HGF: variants seen among roughly 807,000 people sequenced by gnomAD.
HGF encodes hepatocyte growth factor, also known as fibroblast-derived tumor cytotoxic factor.
In HGF, 39 loss-of-function variants were observed where a neutral mutation model predicts 111.6. The observed-to-expected ratio is 0.35, with a 90% confidence interval of 0.27 to 0.46. The LOEUF is 0.46. HGF is among the 20% of genes least tolerant of loss of function. The pLI is 1.00. For missense variants in HGF, 735 were observed against 910.5 expected, an observed-to-expected ratio of 0.81 and a Z score of 2.48; for synonymous variants, 285 against 294.8, an observed-to-expected ratio of 0.97 and a Z score of 0.34.
intron 5 of HGF, chr7:81,751,822 GGTAT>G (rs1283744671): frequency 9.1e-6 from 11 of 1,205,656 alleles, no homozygotes; most frequent in Non-Finnish European, 1.1e-5. Flanking sequence ...TAGATTTTGA[GGTAT>G]GTGAGCTCAA....
In HGF at chr7:81,702,114, T is replaced by C. The variant is rs5745768; in HGVS notation, c.*467A>G. 0.018 allele frequency: 3,752 copies of C among 212,150 alleles called. 142 individuals carry two copies. The highest frequency in any genetic ancestry group is 0.078 in the African/African-American group (3,433 of 43,768). 13.1% of individuals were successfully genotyped at this position (212,150 alleles called of 1,614,324 possible). A position where few individuals can be genotyped will look rare whatever the true frequency, so the allele number is the denominator to read the frequency against. ...ATGGTGAAGAGAAATGAATGAACTATAACATATAGCATATGAAATGTAATA... is the reference window on the plus strand; with the variant it reads ...ATGGTGAAGAGAAATGAATGAACTACAACATATAGCATATGAAATGTAATA... On this transcript the variant is annotated 3_prime_UTR_variant, in exon 18 of 18. Coordinates refer to ENST00000222390, the MANE Select transcript of HGF (RefSeq NM_000601.6).
At chr7:81,731,252 C>T (rs1484623016) in intron 7 of HGF, among the ~76,000 whole-genome samples, 1 of 152,122 alleles carries the variant, frequency 6.6e-6, no homozygotes. Context: ...TCAGTAAATT[C>T]CTTTTAAATA....
intron 11 of HGF, among the ~76,000 whole-genome samples, chr7:81,715,058 T>G (rs1453929507): frequency 6.6e-6 from 1 of 152,112 alleles, no homozygotes; most frequent in African/African-American, 2.4e-5. Flanking sequence ...TTGTAAATTA[T>G]TAGAGTCCTG....
rs1450887024 is a variant in HGF, at chr7:81,728,009, A to G, written c.1040+1596T>C. Among the ~76,000 whole-genome samples the G allele has an allele frequency of 2.6e-5, 4 of 152,192 alleles. No individual in the cohort carries two copies. In the East Asian group the frequency reaches 7.7e-4, roughly 29 times the overall value. On this transcript the variant is annotated intron_variant, in intron 8 of 17. Transcript: ENST00000222390. The stretch of plus-strand genomic sequence containing the variant: ...TCATCACAGGCAGTGTTGTTCAGTT[A>G]CAGTGTTCCAAAGATTGCCATTTTT...
At chr7:81,768,640 A>G (rs1338982546) in intron 1 of HGF, among the ~76,000 whole-genome samples, 1 of 152,088 alleles carries the variant, frequency 6.6e-6, no homozygotes, top group Non-Finnish European at 1.5e-5. Context: ...CGGCCTCCCA[A>G]AGTGCTGGGA....
intron 13 of HGF, 62 bp from the exon 14 acceptor site, chr7:81,707,426 T>C (rs1306374164): frequency 1.1e-6 from 1 of 932,870 alleles, no homozygotes; most frequent in African/African-American, 1.6e-5. Context: ...TGCCAATTAA[T>C]GCAAAGCCTG....
At chr7:81,713,989 C>CGT (rs10539468) in intron 11 of HGF, among the ~76,000 whole-genome samples, 10,029 of 142,354 alleles carry the variant, frequency 0.07, 366 homozygotes, top group East Asian at 0.12. Context: ...GGTGTGTGTG[C>CGT]GTGTGTGTGT....
chr7:81,740,028 A>G (rs1172250744), intron 7 of HGF, among the ~76,000 whole-genome samples: 1 of 152,138 alleles, frequency 6.6e-6, no homozygotes, highest in East Asian at 1.9e-4. Context: ...CCAGCCATCC[A>G]TCTCTTTACC....
chr7:81,703,450 C>A (rs148879578), intron 17 of HGF, among the ~76,000 whole-genome samples: 42 of 150,696 alleles, frequency 2.8e-4, no homozygotes, highest in Middle Eastern at 6.9e-3. Context: ...CATGGCATTT[C>A]TTATATGGTA....
chr7:81,727,461 G>A (rs1208448438), intron 8 of HGF, among the ~76,000 whole-genome samples: 3 of 151,798 alleles, frequency 2.0e-5, no homozygotes, highest in Non-Finnish European at 2.9e-5. Flanking sequence ...TGAGAACATC[G>A]GCCACCAATA....
intron 13 of HGF, among the ~76,000 whole-genome samples, chr7:81,709,422 A>G (rs1436049074): frequency 2.0e-5 from 3 of 152,210 alleles, no homozygotes; most frequent in African/African-American, 7.2e-5. Flanking sequence ...CATACAGAAT[A>G]ATATATGTAG....
Position 81,752,104 on chromosome 7 carries a change from A to G in HGF, c.625+16T>C. 1 of 1,613,352 alleles carries G rather than the reference A, an allele frequency of 6.2e-7. No individual in the cohort carries two copies. On this transcript the variant is annotated intron_variant, in intron 5 of 17. Coordinates refer to ENST00000222390, the MANE Select transcript of HGF (RefSeq NM_000601.6). ...GGGGGAATAGAATGGCCCACATGGC[A>G]TTCAGGTTTATTTACCTTCTGAACA...
chr7:81,741,325 C>T (rs1270481986), intron 7 of HGF, among the ~76,000 whole-genome samples: 1 of 152,130 alleles, frequency 6.6e-6, no homozygotes, highest in Non-Finnish European at 1.5e-5. Flanking sequence ...CTATCCTCTG[C>T]TTAACAAAGA....
rs117551011 is a variant in HGF, at chr7:81,734,625, C to T, written c.866-4846G>A. On this transcript the variant is annotated intron_variant, in intron 7 of 17. Coordinates refer to ENST00000222390, the MANE Select transcript of HGF (RefSeq NM_000601.6). ...AACAGAGACCAAGAGAACAAGATCA[C>T]TAATTAGAAAAAAAAATCTGATTAC... Among the ~76,000 whole-genome samples, 1,490 of 152,002 alleles carry T rather than the reference C, an allele frequency of 9.8e-3. 16 individuals carry two copies. Among genetic ancestry groups the T allele is most frequent in the Non-Finnish European group, 0.014 (933 of 67,960 alleles).
chr7:81,709,628 T>C (rs1268883157), intron 13 of HGF, among the ~76,000 whole-genome samples: 1 of 152,098 alleles, frequency 6.6e-6, no homozygotes, highest in East Asian at 1.9e-4. Flanking sequence ...ATTATTATAA[T>C]ATCAAGACTA....
chr7:81,742,787 A>T, intron 7 of HGF: 1 of 1,541,106 alleles, frequency 6.5e-7, no homozygotes, highest in Non-Finnish European at 8.8e-7. Context: ...GACAGATCGA[A>T]ACAGAATGCA....
chr7:81,745,023 G>A lies in HGF; in HGVS notation c.723C>T (p.His241=), dbSNP rs1788178741. The A allele has an allele frequency of 1.2e-6, 2 of 1,613,906 alleles. No individual in the cohort carries two copies. Among genetic ancestry groups the A allele is most frequent in the African/African-American group, 1.3e-5 (1 of 74,918 alleles). Residue 241 remains histidine (H), a synonymous_variant, in exon 6 of 18, where the codon CAC becomes CAT. Transcript: ENST00000222390. ...ACCTTTCAGGCAAGAATTTGTGCCG[G>A]TGTGGTGTCTGATGATCCCAGCGCT... The part of the protein sequence containing the change: ...ICQRWDHQTP[H]RHKFLPERYP...
Position 81,700,515 on chromosome 7 carries a change from A to G in HGF, c.*2066T>C, listed in dbSNP as rs1789252582. On this transcript the variant is annotated 3_prime_UTR_variant, in exon 18 of 18. Transcript: ENST00000222390. ...AATTTAGAGGAAGAGTCATTAAAGAAGTATTTTTAAAATGTGAGTATTTAA... is the reference window on the plus strand; with the variant it reads ...AATTTAGAGGAAGAGTCATTAAAGAGGTATTTTTAAAATGTGAGTATTTAA... 1.3e-5 allele frequency: 2 copies of G among 151,702 alleles called. No individual in the cohort carries two copies. Among genetic ancestry groups the G allele is most frequent in the African/African-American group, 4.8e-5 (2 of 41,408 alleles). The allele number at this position is 151,702 out of a possible 1,614,324, so 9.4% of individuals were successfully genotyped here. A position where few individuals can be genotyped will look rare whatever the true frequency, so the allele number is the denominator to read the frequency against.
At chr7:81,751,270 A>G in intron 5 of HGF, 1 of 984,574 alleles carries the variant, frequency 1.0e-6, no homozygotes, top group Non-Finnish European at 1.2e-6. Context: ...ATTTTCTAAC[A>G]GAGTTTCATC....
Sources: allele counts gnomAD v4.1 joint callset (sites outside exome capture counted in the v4.1 genomes callset), GRCh38; gene constraint gnomAD v4.1.1; transcripts MANE v1.5; gene names NCBI Gene and HGNC (gene_info 2026-07-23, HGNC 2026-07-21).